Variants in CTIF observed in about 807,000 individuals in gnomAD.
The protein encoded by CTIF is CBP80/20-dependent translation initiation factor.
In CTIF, 21 loss-of-function variants were observed where a neutral mutation model predicts 66.0. The ratio of observed to expected loss-of-function variants is 0.32; its 90% confidence interval spans 0.23 to 0.46. The LOEUF (loss-of-function observed/expected upper bound fraction) is 0.46. Ranked by LOEUF, CTIF falls within the 20% of genes least tolerant of loss-of-function variation. The pLI, the probability that CTIF is intolerant of heterozygous loss-of-function variation, is 1.00. For synonymous variants in CTIF, 345 were observed against 326.4 expected (o/e 1.06, Z -0.62); for missense variants, 739 against 812.7 (o/e 0.91, Z 1.10).
At chr18:48,783,596 G>A (rs987737265) in intron 9 of CTIF, among the ~76,000 whole-genome samples, 4 of 152,038 alleles carry the variant, frequency 2.6e-5, no homozygotes, top group South Asian at 2.1e-4. Context: ...GGAGGCCTCC[G>A]ACCCTGGGGC....
At chr18:48,555,924 G>A (rs1190587040) in intron 1 of CTIF, among the ~76,000 whole-genome samples, 3 of 152,218 alleles carry the variant, frequency 2.0e-5, no homozygotes. Context: ...GCCAGCAGGA[G>A]AGAGAAACCC....
At chr18:48,690,672 C>T (rs556604978) in intron 6 of CTIF, among the ~76,000 whole-genome samples, 1 of 152,000 alleles carries the variant, frequency 6.6e-6, no homozygotes, top group Admixed American at 6.6e-5. Flanking sequence ...GCAGCCCTGG[C>T]GCACCCTGCA....
chr18:48,540,598 G>T (rs1568019501), intron 1 of CTIF, among the ~76,000 whole-genome samples: 1 of 151,994 alleles, frequency 6.6e-6, no homozygotes, highest in Admixed American at 6.5e-5. Context: ...GGGGCTGGGG[G>T]GTGTGAGCAC....
Position 48,849,874 on chromosome 18 carries a change from G to A in CTIF, c.1528-7714G>A, listed in dbSNP as rs932230578. On this transcript the variant is annotated intron_variant, in intron 10 of 11. Coordinates refer to ENST00000256413, the MANE Select transcript of CTIF (RefSeq NM_014772.3). Reference sequence around the variant, plus strand: ...GCTGGGATTACAGGCGTGAGCCACCGTGCCCGGCCCATTTTAACCATTTTT... The same window carrying A: ...GCTGGGATTACAGGCGTGAGCCACCATGCCCGGCCCATTTTAACCATTTTT... Among the ~76,000 whole-genome samples the A allele has an allele frequency of 5.9e-5, 9 of 152,188 alleles. No homozygotes were observed. In the East Asian group the frequency reaches 7.7e-4, roughly 13 times the overall value.
intron 10 of CTIF, among the ~76,000 whole-genome samples, chr18:48,821,598 A>T (rs8098245): frequency 0.031 from 4,659 of 152,302 alleles, 170 homozygotes; most frequent in African/African-American, 0.088. Context: ...CCCAACTAAC[A>T]TGCCAATCAG....
rs2069408614 is a variant in CTIF, at chr18:48,859,456, C to T, written c.1694C>T (p.Ser565Leu). The part of the protein sequence containing the change: ...LCPSESMLTR[S>L]LLLEVIELHA... Reference sequence around the variant, plus strand: ...CCCTCGGAGTCCATGCTGACCCGGTCGCTGCTCCTAGAGGTCATCGAGCTC... The same window carrying T: ...CCCTCGGAGTCCATGCTGACCCGGTTGCTGCTCCTAGAGGTCATCGAGCTC... Residue 565 changes from serine to leucine, a missense_variant, in exon 12 of 12, where the codon TCG (serine) becomes TTG (leucine). Physicochemically the swap from Ser to Leu is moderately radical, Grantham distance 145. Transcript: ENST00000256413. 6.2e-7 allele frequency: 1 copy of T among 1,614,058 alleles called. No homozygotes were observed. The highest frequency in any genetic ancestry group is 1.1e-5 in the South Asian group (1 of 91,076).
chr18:48,619,796 T>C, intron 2 of CTIF, 51 bp downstream of exon 2: 3 of 1,439,032 alleles, frequency 2.1e-6, no homozygotes, highest in South Asian at 3.0e-5. Flanking sequence ...GAGGGGGTGA[T>C]GCAGGAGCCC....
At chr18:48,675,083 G>A (rs1350242218) in intron 6 of CTIF, among the ~76,000 whole-genome samples, 1 of 152,018 alleles carries the variant, frequency 6.6e-6, no homozygotes, top group Non-Finnish European at 1.5e-5. Flanking sequence ...ATGGGGGGCA[G>A]CAGAAGGCTC....
At chr18:48,690,207 ATTTTAT>A (rs1428698602) in intron 6 of CTIF, among the ~76,000 whole-genome samples, 1 of 151,496 alleles carries the variant, frequency 6.6e-6, no homozygotes, top group East Asian at 1.9e-4. Context: ...TCTAAATTTT[ATTTTAT>A]TTGGGCGTTT....
At chr18:48,750,919 C>T (rs1568187266) in intron 7 of CTIF, among the ~76,000 whole-genome samples, 1 of 152,196 alleles carries the variant, frequency 6.6e-6, no homozygotes, top group Non-Finnish European at 1.5e-5. Flanking sequence ...TGGCTGAGGG[C>T]ACACATTCGG....
At chr18:48,628,305 G>C (rs2144535384) in intron 2 of CTIF, among the ~76,000 whole-genome samples, 1 of 152,302 alleles carries the variant, frequency 6.6e-6, no homozygotes, top group South Asian at 2.1e-4. Context: ...AGGATAATGA[G>C]CTGGGTGCTG....
chr18:48,653,052 C>T (rs1187292624), intron 3 of CTIF, among the ~76,000 whole-genome samples: 2 of 152,244 alleles, frequency 1.3e-5, no homozygotes, highest in East Asian at 3.9e-4. Context: ...GGAAGCATTC[C>T]CTTTGAAAAC....
At chr18:48,703,150 A>G (rs2092105996) in intron 6 of CTIF, among the ~76,000 whole-genome samples, 1 of 152,196 alleles carries the variant, frequency 6.6e-6, no homozygotes, top group South Asian at 2.1e-4. Flanking sequence ...CCCTACCTCC[A>G]TGGGGCTCAT....
chr18:48,844,429 A>C (rs1009440315), intron 10 of CTIF, among the ~76,000 whole-genome samples: 1 of 152,152 alleles, frequency 6.6e-6, no homozygotes, highest in African/African-American at 2.4e-5. Context: ...CTGAGCCCCA[A>C]ATTATATTTC....
At chr18:48,817,594 G>A (rs374805801) in intron 10 of CTIF, among the ~76,000 whole-genome samples, 17 of 152,218 alleles carry the variant, frequency 1.1e-4, no homozygotes, top group East Asian at 3.9e-4. Context: ...TGGCAAACAC[G>A]ATGAAACCCC....
intron 10 of CTIF, among the ~76,000 whole-genome samples, chr18:48,836,338 C>T (rs1468309078): frequency 2.0e-5 from 3 of 152,184 alleles, no homozygotes; most frequent in African/African-American, 4.8e-5. Context: ...CATGCTCAGC[C>T]TGGTCTTTTT....
rs534999629 is a variant in CTIF, at chr18:48,837,926, A to G, written c.1528-19662A>G. 7.2e-5 allele frequency among the ~76,000 whole-genome samples: 11 copies of G among 152,246 alleles called. No individual in the cohort carries two copies. In the East Asian group the frequency reaches 2.1e-3, roughly 29 times the overall value. On this transcript the variant is annotated intron_variant, in intron 10 of 11. Transcript: ENST00000256413. ...CCACACCCACACCCTCCCTGGTGGG[A>G]AGGGAGTGGGGCTGTCTCTGGAACT...
intron 9 of CTIF, among the ~76,000 whole-genome samples, chr18:48,787,937 C>T (rs763694153): frequency 1.3e-5 from 2 of 152,174 alleles, no homozygotes; most frequent in African/African-American, 2.4e-5. Flanking sequence ...CAGTCCTCTG[C>T]GTTTGGTGTC....
At chr18:48,591,423 G>A (rs950300056) in intron 1 of CTIF, among the ~76,000 whole-genome samples, 2 of 152,236 alleles carry the variant, frequency 1.3e-5, no homozygotes, top group Admixed American at 6.5e-5. Flanking sequence ...GTCAACACCA[G>A]CCTGGCAGGT....
Sources: gnomAD v4.1 joint callset for allele counts (sites outside exome capture counted in the v4.1 genomes callset) on GRCh38, gnomAD v4.1.1 for gene constraint, MANE v1.5 for transcripts, NCBI Gene and HGNC (gene_info 2026-07-23, HGNC 2026-07-21) for gene names.